Variants in SIGLEC7 observed in about 807,000 individuals in gnomAD.
SIGLEC7 encodes sialic acid-binding Ig-like lectin 7.
Under a neutral mutation model 40.8 loss-of-function variants are expected in SIGLEC7, and 33 were observed. That is an observed-to-expected ratio of 0.81 (90% CI 0.61 to 1.08). SIGLEC7 has a LOEUF of 1.08. Ranked by LOEUF, SIGLEC7 falls within the 50% of genes least tolerant of loss-of-function variation. The pLI, the probability that SIGLEC7 is intolerant of heterozygous loss-of-function variation, is 0.00. For missense variants in SIGLEC7, 513 were observed against 576.1 expected (o/e 0.89, Z 1.12); for synonymous variants, 242 against 237.6 (o/e 1.02, Z -0.17).
At chr19:51,152,813 T>G in intron 6 of SIGLEC7, 1 of 248,980 alleles carries the variant, frequency 4.0e-6, no homozygotes, top group Non-Finnish European at 7.7e-6. Flanking sequence ...CTTCATGGAG[T>G]TGTTGCGGGA....
At chr19:51,147,935 C>T (rs2092120962) in intron 6 of SIGLEC7, among the ~76,000 whole-genome samples, 1 of 152,220 alleles carries the variant, frequency 6.6e-6, no homozygotes, top group Non-Finnish European at 1.5e-5. Context: ...AAATGATTAG[C>T]TGGCTGTGTG....
chr19:51,152,153 C>G (rs1039340087), intron 6 of SIGLEC7, among the ~76,000 whole-genome samples: 1 of 152,104 alleles, frequency 6.6e-6, no homozygotes, highest in Non-Finnish European at 1.5e-5. Flanking sequence ...AATTTCTCAC[C>G]CTTTCTGGCT....
At chr19:51,144,298 G>A (rs1459531893) in intron 1 of SIGLEC7, 108 bp from the exon 2 acceptor site, 1 of 1,509,144 alleles carries the variant, frequency 6.6e-7, no homozygotes, top group East Asian at 2.3e-5. Flanking sequence ...GAGGGCTGAG[G>A]GTGAAGCGAG....
intron 6 of SIGLEC7, among the ~76,000 whole-genome samples, chr19:51,151,613 C>A (rs114758695): frequency 0.018 from 2,695 of 152,194 alleles, 78 homozygotes; most frequent in African/African-American, 0.061. Flanking sequence ...AAAGAGGTTG[C>A]CAAGAAGGTG....
At position 51,142,392 on chromosome 19, in the gene SIGLEC7, C is replaced by T. The variant is rs757609195; in HGVS notation, c.23C>T (p.Pro8Leu). Residue 8 changes from proline to leucine, a missense_variant, in exon 1 of 7, where the codon CCC (proline) becomes CTC (leucine). Coordinates refer to ENST00000317643, the MANE Select transcript of SIGLEC7 (RefSeq NM_014385.4). The surrounding 1 kb of genome is among the most constrained non-coding windows in gnomAD (Gnocchi z 5.0). MLLLLLLPLLWGRERVEG... is the reference protein window; with the variant it reads MLLLLLLLLLWGRERVEG... ...GATATGCTGCTGCTGCTGCTGCTGCCCCTGCTCTGGGGGAGGGAGAGGGTG... is the reference window on the plus strand; with the variant it reads ...GATATGCTGCTGCTGCTGCTGCTGCTCCTGCTCTGGGGGAGGGAGAGGGTG... 3.7e-6 allele frequency: 6 copies of T among 1,613,868 alleles called. No homozygotes were observed. The South Asian group carries it at 6.6e-5, about 18-fold the overall frequency.
chr19:51,149,349 TC>T (rs1206628861), intron 6 of SIGLEC7, among the ~76,000 whole-genome samples: 3 of 152,202 alleles, frequency 2.0e-5, no homozygotes, highest in African/African-American at 7.2e-5. Context: ...AAGGAAGCAG[TC>T]CCACTCAATC....
Position 51,142,369 on chromosome 19 carries a change from T to C in SIGLEC7, c.-1T>C. On this transcript the variant is annotated 5_prime_UTR_variant, in exon 1 of 7. Coordinates refer to ENST00000317643, the MANE Select transcript of SIGLEC7 (RefSeq NM_014385.4). The surrounding 1 kb of genome is among the most constrained non-coding windows in gnomAD (Gnocchi z 5.0). The stretch of plus-strand genomic sequence containing the variant: ...CGGCCCTGGCACCTCCAACCCCAGA[T>C]ATGCTGCTGCTGCTGCTGCTGCCCC... The C allele has an allele frequency of 6.2e-7, 1 of 1,612,768 alleles. No homozygotes were observed. The highest frequency in any genetic ancestry group is 8.5e-7 in the Non-Finnish European group (1 of 1,179,204).
intron 1 of SIGLEC7, chr19:51,143,871 TG>T: frequency 2.3e-6 from 1 of 443,666 alleles, no homozygotes. Context: ...GTGCTGGAGT[TG>T]GTGATGGTGC....
rs566619137 is a variant in SIGLEC7, at chr19:51,153,049, C to T, written c.1222-14C>T. On this transcript the variant is annotated splice_polypyrimidine_tract_variant and intron_variant, in intron 6 of 6. Transcript: ENST00000317643. ...CACTGCTCTGCTCTGACTCTCTTCT[C>T]TCTCTCCATTCAGGGTAACCTGACT... The T allele has an allele frequency of 3.9e-6, 6 of 1,525,188 alleles. No homozygotes were observed. The African/African-American group carries it at 8.3e-5, about 21-fold the overall frequency. The allele number at this position is 1,525,188 out of a possible 1,614,324, so 94.5% of individuals were successfully genotyped here. A position where few individuals can be genotyped will look rare whatever the true frequency, so the allele number is the denominator to read the frequency against.
chr19:51,144,656 G>C lies in SIGLEC7; in HGVS notation c.684G>C (p.Thr228=), dbSNP rs367577316. Residue 228 remains threonine, a synonymous_variant, in exon 2 of 7, where the codon ACG becomes ACC. Coordinates refer to ENST00000317643, the MANE Select transcript of SIGLEC7 (RefSeq NM_014385.4). The stretch of plus-strand genomic sequence containing the variant: ...CCTTGCCTGGGGCCGGCGTGACCAC[G>C]AACAGGACCATCCAACTCAATGTGT... ...QVTLPGAGVT[T]NRTIQLNVSY... 8.5e-5 allele frequency: 137 copies of C among 1,613,574 alleles called. No individual in the cohort carries two copies. Among genetic ancestry groups the C allele is most frequent in the Non-Finnish European group, 1.1e-4 (129 of 1,179,998 alleles).
intron 1 of SIGLEC7, 132 bp from the exon 2 acceptor site, chr19:51,144,274 C>A (rs2092090293): frequency 6.8e-7 from 1 of 1,471,144 alleles, no homozygotes; most frequent in Non-Finnish European, 9.1e-7. Flanking sequence ...TGGGATGGGG[C>A]CCCTGCCCTG....
rs758565871 is a variant in SIGLEC7 at position 51,144,508 on chromosome 19, C to A, written c.536C>A (p.Pro179His). Reference sequence around the variant, plus strand: ...CCCTGGGCCTGTGAGCAGGGGACGCCCCCTATGATCTCCTGGATGGGGACC... The same window carrying A: ...CCCTGGGCCTGTGAGCAGGGGACGCACCCTATGATCTCCTGGATGGGGACC... The part of the protein sequence containing the change: ...SVPWACEQGT[P>H]PMISWMGTSV... The change falls in exon 2 of 7, where the codon CCC (proline) becomes CAC (histidine). Residue 179 changes from proline to histidine, a missense_variant. Physicochemically the swap from Pro to His is moderately conservative, Grantham distance 77. Coordinates refer to ENST00000317643, the MANE Select transcript of SIGLEC7 (RefSeq NM_014385.4). The A allele has an allele frequency of 2.5e-6, 4 of 1,613,734 alleles. No homozygotes were observed. The highest frequency in any genetic ancestry group is 1.7e-6 in the Non-Finnish European group (2 of 1,180,012).
In SIGLEC7 at chr19:51,145,798, C is replaced by G; in HGVS notation, c.761-57C>G. The G allele has an allele frequency of 6.3e-7, 1 of 1,592,398 alleles. No individual in the cohort carries two copies. ...TCCATTCCCCAGTCTCATTCTGTAT[C>G]CTTCCTCCCTGTTTCAATCACTTTG... On this transcript the variant is annotated intron_variant, in intron 3 of 6. Coordinates refer to ENST00000317643, the MANE Select transcript of SIGLEC7 (RefSeq NM_014385.4). This position sits in a 1 kb window ranked among gnomAD's most constrained non-coding sequence, Gnocchi z 4.3.
intron 6 of SIGLEC7, among the ~76,000 whole-genome samples, chr19:51,151,557 G>A (rs575463729): frequency 1.1e-4 from 16 of 152,294 alleles, no homozygotes; most frequent in South Asian, 8.3e-4. Context: ...AAAAGAACCC[G>A]GGGCTGCTCT....
In SIGLEC7 at chr19:51,145,874, C is replaced by G. The variant is rs772659773; in HGVS notation, c.780C>G (p.Asn260Lys). The G allele has an allele frequency of 1.9e-6, 3 of 1,614,056 alleles. No individual in the cohort carries two copies. Among genetic ancestry groups the G allele is most frequent in the East Asian group, 4.5e-5 (2 of 44,890 alleles). ...GEGTASTALG[N>K]SSSLSVLEGQ... ...CTACAGCATCCACAGCTCTGGGGAA[C>G]AGCTCATCTCTTTCAGTCCTAGAGG... Residue 260 changes from asparagine (N) to lysine (K), a missense_variant, in exon 4 of 7, where the codon AAC (asparagine) becomes AAG (lysine). Asn to Lys is a moderately conservative substitution (Grantham distance 94, BLOSUM62 0). Coordinates refer to ENST00000317643, the MANE Select transcript of SIGLEC7 (RefSeq NM_014385.4). The surrounding 1 kb of genome is among the most constrained non-coding windows in gnomAD (Gnocchi z 4.3).
At position 51,142,365 on chromosome 19, in the gene SIGLEC7, C is replaced by T. The variant is rs2092073333; in HGVS notation, c.-5C>T. ...CTCGCGGCCCTGGCACCTCCAACCCCAGATATGCTGCTGCTGCTGCTGCTG... is the reference window on the plus strand; with the variant it reads ...CTCGCGGCCCTGGCACCTCCAACCCTAGATATGCTGCTGCTGCTGCTGCTG... On this transcript the variant is annotated 5_prime_UTR_variant, in exon 1 of 7. Transcript: ENST00000317643. The surrounding 1 kb of genome is among the most constrained non-coding windows in gnomAD (Gnocchi z 5.0). 6.2e-7 allele frequency: 1 copy of T among 1,612,298 alleles called. No homozygotes were observed. The highest frequency in any genetic ancestry group is 1.3e-5 in the African/African-American group (1 of 74,900).
In SIGLEC7 at chr19:51,142,677, C is replaced by A. The variant is rs778254443; in HGVS notation, c.308C>A (p.Thr103Asn). The change falls in exon 1 of 7, where the codon ACC becomes AAC. Residue 103 changes from threonine (T) to asparagine (N), a missense_variant. By Grantham distance (65) the Thr-to-Asn change is moderately conservative (BLOSUM62 0). Coordinates refer to ENST00000317643, the MANE Select transcript of SIGLEC7 (RefSeq NM_014385.4). The surrounding 1 kb of genome is among the most constrained non-coding windows in gnomAD (Gnocchi z 5.0). ...TTCCACCTCCTTGGGGACCCACAGA[C>A]CAAAAATTGCACCCTGAGCATCAGA... ...DRFHLLGDPQ[T>N]KNCTLSIRDA... 6.2e-7 allele frequency: 1 copy of A among 1,614,112 alleles called. No homozygotes were observed.
chr19:51,147,462 C>T, intron 6 of SIGLEC7, 145 bp downstream of exon 6: 1 of 636,596 alleles, frequency 1.6e-6, no homozygotes, highest in Non-Finnish European at 2.6e-6. Context: ...CTGCAGGATT[C>T]CCCATCTTGC....
At chr19:51,147,339 A>T in intron 6 of SIGLEC7, 22 bp downstream of exon 6, 1 of 1,593,320 alleles carries the variant, frequency 6.3e-7, no homozygotes, top group Non-Finnish European at 8.6e-7. Context: ...GGGCGTCTCC[A>T]CACCCAGCAT....
Sources: allele counts gnomAD v4.1 joint callset (sites outside exome capture counted in the v4.1 genomes callset), GRCh38; gene constraint gnomAD v4.1.1; non-coding constraint Gnocchi (gnomAD v3.1); transcripts MANE v1.5; gene names NCBI Gene and HGNC (gene_info 2026-07-23, HGNC 2026-07-21).